Variants in TTLL11 observed in about 807,000 individuals in gnomAD.
TTLL11 encodes tubulin polyglutamylase TTLL11.
In TTLL11, 42 loss-of-function variants were observed where a neutral mutation model predicts 51.7. That is an observed-to-expected ratio of 0.81 (90% CI 0.64 to 1.05). The LOEUF (loss-of-function observed/expected upper bound fraction) is 1.05, where lower values mean the gene tolerates loss of function less well. Ranked by LOEUF, TTLL11 falls within the 50% of genes least tolerant of loss-of-function variation. TTLL11 has a pLI of 0.00. For synonymous variants in TTLL11, 381 were observed against 383.5 expected, an observed-to-expected ratio of 0.99 and a Z score of 0.08; for missense variants, 799 against 940.4, an observed-to-expected ratio of 0.85 and a Z score of 1.97.
At chr9:121,984,291 T>G (rs1281961048) in intron 4 of TTLL11, among the ~76,000 whole-genome samples, 1 of 152,210 alleles carries the variant, frequency 6.6e-6, no homozygotes, top group African/African-American at 2.4e-5. Flanking sequence ...TTAAGGCACT[T>G]CATCATAGAC....
chr9:121,965,806 T>C (rs1842382521), intron 6 of TTLL11, among the ~76,000 whole-genome samples: 1 of 152,200 alleles, frequency 6.6e-6, no homozygotes, highest in African/African-American at 2.4e-5. Context: ...GGGGCAGGGT[T>C]CTGGGTCTGG....
In TTLL11 at chr9:121,895,892, CTGTG is replaced by C. The variant is rs765982050; in HGVS notation, c.1482-25148_1482-25145del. Among the ~76,000 whole-genome samples, 9 of 32,322 alleles carry C rather than the reference CTGTG, an allele frequency of 2.8e-4. 1 individual carries two copies. In the East Asian group the frequency reaches 8.9e-3, roughly 32 times the overall value. The allele number at this position is 32,322 out of a possible 152,430, so 21.2% of individuals were successfully genotyped here. The stretch of plus-strand genomic sequence containing the variant: ...TTTGTGTGACTGTGTGTCATTGTAT[CTGTG>C]TGTGTCCCTTTGTGTGGATGTGTGG... On this transcript the variant is annotated intron_variant, in intron 6 of 8. Transcript: ENST00000321582.
In TTLL11 at chr9:121,853,029, A is replaced by G. The variant is rs1316058468; in HGVS notation, c.1840+7308T>C. Among the ~76,000 whole-genome samples, 2 of 152,242 alleles carry G rather than the reference A, an allele frequency of 1.3e-5. No homozygotes were observed. The highest frequency in any genetic ancestry group is 4.8e-5 in the African/African-American group (2 of 41,470). Reference sequence around the variant, plus strand: ...AAATGAAAATACTCTTCAATATTTCAGTGCATCGTTAACCAAATACATTTC... The same window carrying G: ...AAATGAAAATACTCTTCAATATTTCGGTGCATCGTTAACCAAATACATTTC... On this transcript the variant is annotated intron_variant, in intron 8 of 8. Transcript: ENST00000321582. This position sits in a 1 kb window ranked among gnomAD's most constrained non-coding sequence, Gnocchi z 5.6.
At chr9:122,091,356 T>C (rs1014320976) in intron 1 of TTLL11, among the ~76,000 whole-genome samples, 10 of 152,206 alleles carry the variant, frequency 6.6e-5, no homozygotes, top group African/African-American at 1.4e-4. Context: ...GAAACCCAGA[T>C]ACTTTAGAAC....
rs1382692278 is a variant in TTLL11, at chr9:121,892,489, AT to A, written c.1482-21742del. On this transcript the variant is annotated intron_variant, in intron 6 of 8. Transcript: ENST00000321582. The stretch of plus-strand genomic sequence containing the variant: ...AAAACCATCAGATTTCGTGAAACTT[AT>A]TCACTACCACAAGAACTGTATGGGG... Among the ~76,000 whole-genome samples the A allele has an allele frequency of 2.6e-5, 4 of 152,146 alleles. No individual in the cohort carries two copies. In the East Asian group the frequency reaches 7.7e-4, roughly 29 times the overall value.
chr9:122,074,719 A>G (rs1274268582), intron 1 of TTLL11, among the ~76,000 whole-genome samples: 1 of 147,970 alleles, frequency 6.8e-6, no homozygotes, highest in Non-Finnish European at 1.5e-5. Context: ...GGGCAATACA[A>G]TAAGACTTTC....
intron 1 of TTLL11, among the ~76,000 whole-genome samples, chr9:122,062,720 C>T (rs10985514): frequency 0.089 from 13,575 of 151,738 alleles, 855 homozygotes; most frequent in African/African-American, 0.15. Context: ...CCACCTTCCT[C>T]GGCCTCCCAA....
intron 3 of TTLL11, among the ~76,000 whole-genome samples, chr9:122,023,014 G>A (rs1249494068): frequency 1.3e-5 from 2 of 151,664 alleles, no homozygotes; most frequent in Non-Finnish European, 2.9e-5. Context: ...AACAACTATA[G>A]CTATTATGCC....
intron 6 of TTLL11, among the ~76,000 whole-genome samples, chr9:121,912,329 G>A (rs1228025882): frequency 3.3e-5 from 5 of 152,100 alleles, no homozygotes; most frequent in Non-Finnish European, 4.4e-5. Flanking sequence ...CTTCAAACCC[G>A]GGTCCCCGAG....
chr9:121,863,825 C>T (rs112740782), intron 7 of TTLL11, among the ~76,000 whole-genome samples: 3 of 152,212 alleles, frequency 2.0e-5, no homozygotes, highest in African/African-American at 7.2e-5. Flanking sequence ...AGAGATGGGA[C>T]GTGACTTGCC....
chr9:121,984,452 G>A (rs750339362), intron 4 of TTLL11, among the ~76,000 whole-genome samples: 7 of 152,048 alleles, frequency 4.6e-5, no homozygotes, highest in East Asian at 1.9e-4. Context: ...TGAGAGGGAG[G>A]TACAAATATG....
chr9:121,998,183 G>C (rs1843340510), intron 3 of TTLL11, among the ~76,000 whole-genome samples: 2 of 152,046 alleles, frequency 1.3e-5, no homozygotes, highest in African/African-American at 4.8e-5. Flanking sequence ...CAGATCACTG[G>C]GCCCAGCTTT....
At chr9:121,889,904 G>C (rs1176573664) in intron 6 of TTLL11, among the ~76,000 whole-genome samples, 2 of 151,804 alleles carry the variant, frequency 1.3e-5, no homozygotes, top group East Asian at 3.9e-4. Flanking sequence ...CATCTTGGGC[G>C]GGGCGGGGGG....
chr9:121,913,146 T>A (rs1038997943), intron 6 of TTLL11, among the ~76,000 whole-genome samples: 1 of 152,242 alleles, frequency 6.6e-6, no homozygotes, highest in Non-Finnish European at 1.5e-5. Flanking sequence ...TTCTTATCCA[T>A]GACTCCCTTT....
intron 6 of TTLL11, among the ~76,000 whole-genome samples, chr9:121,901,093 G>A (rs922586679): frequency 6.6e-6 from 1 of 152,150 alleles, no homozygotes; most frequent in African/African-American, 2.4e-5. Context: ...CAACCTCTTT[G>A]TGGCTACTGT....
At chr9:121,835,900 T>C (rs1183339121) in intron 8 of TTLL11, among the ~76,000 whole-genome samples, 1 of 152,192 alleles carries the variant, frequency 6.6e-6, no homozygotes, top group Non-Finnish European at 1.5e-5. Flanking sequence ...TATAGAACCT[T>C]TGGAGGCTCA....
Position 122,044,881 on chromosome 9 carries a change from G to T in TTLL11, c.463-5513C>A, listed in dbSNP as rs139951231. 5.7e-3 allele frequency among the ~76,000 whole-genome samples: 861 copies of T among 152,064 alleles called. 2 individuals are homozygous for T. Among genetic ancestry groups the T allele is most frequent in the South Asian group, 0.014 (69 of 4,798 alleles). The stretch of plus-strand genomic sequence containing the variant: ...TCACAGCACTTTGGGAGGCTGACGC[G>T]GGAGGAGTTCAAGACCAGCCTGAGC... On this transcript the variant is annotated intron_variant, in intron 1 of 8. Coordinates refer to ENST00000321582, the MANE Select transcript of TTLL11 (RefSeq NM_001139442.2).
intron 6 of TTLL11, among the ~76,000 whole-genome samples, chr9:121,924,516 C>T (rs1384591754): frequency 6.6e-6 from 1 of 152,170 alleles, no homozygotes; most frequent in Non-Finnish European, 1.5e-5. Context: ...TGAGAACAAT[C>T]CTTTCAGAGG....
At chr9:122,084,996 A>C (rs906006214) in intron 1 of TTLL11, among the ~76,000 whole-genome samples, 2 of 152,212 alleles carry the variant, frequency 1.3e-5, no homozygotes, top group Non-Finnish European at 2.9e-5. Flanking sequence ...GCGGTGGCTC[A>C]CACCTGTAAT....
Sources: gnomAD v4.1 joint callset for allele counts (sites outside exome capture counted in the v4.1 genomes callset) on GRCh38, gnomAD v4.1.1 for gene constraint, Gnocchi (gnomAD v3.1) non-coding constraint, MANE v1.5 for transcripts, NCBI Gene and HGNC (gene_info 2026-07-23, HGNC 2026-07-21) for gene names.